The following PTPRN2 variants were observed in gnomAD, a reference collection of about 807,000 sequenced individuals.
PTPRN2 encodes protein tyrosine phosphatase receptor type N2.
PTPRN2 carries 74 observed loss-of-function variants against 118.8 expected under a neutral mutation model. The ratio of observed to expected loss-of-function variants is 0.62; its 90% CI spans 0.52 to 0.76. The LOEUF (loss-of-function observed/expected upper bound fraction) is 0.76, where lower values mean the gene tolerates loss of function less well. Among genes scored for constraint, PTPRN2 ranks in the 30% least tolerant of loss-of-function variants. The pLI, the probability that PTPRN2 is intolerant of heterozygous loss-of-function variation, is 0.00. For synonymous variants in PTPRN2, 641 were observed against 608.0 expected (o/e 1.05, Z -0.80); for missense variants, 1,481 against 1,394.4 (o/e 1.06, Z -0.99).
intron 1 of PTPRN2, among the ~76,000 whole-genome samples, chr7:158,580,551 T>G (rs1828573042): frequency 6.6e-6 from 1 of 152,188 alleles, no homozygotes; most frequent in South Asian, 2.1e-4. Context: ...ACACTTTCCT[T>G]CCACCAGCAT....
Position 157,986,161 on chromosome 7 carries a change from C to G in PTPRN2, c.1724-87424G>C, listed in dbSNP as rs1374117586. ...ATGAGATAGATACCCTCATCTACAG[C>G]CCCGCTCTCGTATGTCCGGGGGAAG... is the stretch of plus-strand genomic sequence containing the variant. On this transcript the variant is annotated intron_variant, in intron 11 of 22. Coordinates refer to ENST00000389418, the MANE Select transcript of PTPRN2 (RefSeq NM_002847.5). The surrounding 1 kb of genome is among the most constrained non-coding windows in gnomAD (Gnocchi z 4.5). Among the ~76,000 whole-genome samples, 2 of 152,162 alleles carry G rather than the reference C, an allele frequency of 1.3e-5. No individual in the cohort carries two copies. Among genetic ancestry groups the G allele is most frequent in the Non-Finnish European group, 2.9e-5 (2 of 68,032 alleles).
intron 2 of PTPRN2, among the ~76,000 whole-genome samples, chr7:158,442,914 G>C (rs1198582795): frequency 6.6e-6 from 1 of 152,120 alleles, no homozygotes; most frequent in Non-Finnish European, 1.5e-5. Context: ...GACAAGAGGA[G>C]GACAGGGCCT....
At chr7:157,702,480 C>T (rs1798127915) in intron 12 of PTPRN2, among the ~76,000 whole-genome samples, 2 of 152,204 alleles carry the variant, frequency 1.3e-5, no homozygotes, top group African/African-American at 4.8e-5. Flanking sequence ...GTGCACCTCT[C>T]ACAGCCCAGT....
rs371418267 is a variant in PTPRN2, at chr7:158,081,261, T to C, written c.1723+37A>G. 43 of 1,499,496 alleles carry C rather than the reference T, an allele frequency of 2.9e-5. No individual in the cohort carries two copies. In the African/African-American group the frequency reaches 5.5e-4, roughly 19 times the overall value. 92.9% of individuals were successfully genotyped at this position (1,499,496 alleles called of 1,614,324 possible). ...GCGTGCGTGTGTGTGTGCACACACG[T>C]GTGTGTGCGTGTACGTGTGTGTGGA... On this transcript the variant is annotated intron_variant, in intron 11 of 22. Transcript: ENST00000389418.
chr7:158,441,436 ATGGCAGTGG>A (rs1273896454), intron 2 of PTPRN2, among the ~76,000 whole-genome samples: 2 of 135,050 alleles, frequency 1.5e-5, no homozygotes, highest in Admixed American at 7.2e-5. Flanking sequence ...AGTGATGGTG[ATGGCAGTGG>A]TGGCAGTGGT....
chr7:157,914,114 T>C (rs1798244880), intron 11 of PTPRN2, among the ~76,000 whole-genome samples: 1 of 152,254 alleles, frequency 6.6e-6, no homozygotes, highest in African/African-American at 2.4e-5. Flanking sequence ...TATATTAGCA[T>C]TCCAATTTTA....
chr7:157,681,362 A>G (rs1042569973), intron 13 of PTPRN2, among the ~76,000 whole-genome samples: 1 of 152,190 alleles, frequency 6.6e-6, no homozygotes, highest in Non-Finnish European at 1.5e-5. Context: ...TTACTAGTTT[A>G]TGTGACATTT....
intron 12 of PTPRN2, among the ~76,000 whole-genome samples, chr7:157,737,702 A>T (rs1459841708): frequency 1.3e-5 from 2 of 152,220 alleles, no homozygotes; most frequent in Non-Finnish European, 1.5e-5. Context: ...CAGCCCCTCC[A>T]CAGAGGAAGG....
At chr7:158,448,335 CTTA>C (rs1218630408) in intron 2 of PTPRN2, among the ~76,000 whole-genome samples, 3 of 152,198 alleles carry the variant, frequency 2.0e-5, no homozygotes, top group Non-Finnish European at 4.4e-5. Flanking sequence ...TGTATTGCTT[CTTA>C]ATTAGAGAAA....
intron 15 of PTPRN2, among the ~76,000 whole-genome samples, chr7:157,614,298 G>C (rs1040548545): frequency 1.3e-5 from 2 of 152,014 alleles, no homozygotes; most frequent in African/African-American, 4.8e-5. Context: ...GGGAAACGGG[G>C]GTTCTGGAAG....
intron 22 of PTPRN2, 75 bp downstream of exon 22, chr7:157,548,871 G>C: frequency 7.1e-7 from 1 of 1,410,220 alleles, no homozygotes; most frequent in Non-Finnish European, 1.0e-6. Context: ...GGCCCTCCCC[G>C]TGCTCCTCTC....
In PTPRN2 at chr7:158,569,989, G is replaced by A. The variant is rs567579345; in HGVS notation, c.112+17569C>T. Among the ~76,000 whole-genome samples, 5 of 152,258 alleles carry A rather than the reference G, an allele frequency of 3.3e-5. No homozygotes were observed. In the East Asian group the frequency reaches 9.7e-4, roughly 30 times the overall value. On this transcript the variant is annotated intron_variant, in intron 1 of 22. Coordinates refer to ENST00000389418, the MANE Select transcript of PTPRN2 (RefSeq NM_002847.5). ...TGGCCAGCGGGTGCCGCTCGCAGAC[G>A]GGGGAGCCCAGAGCCCACGCGCCAA...
intron 14 of PTPRN2, among the ~76,000 whole-genome samples, chr7:157,651,792 C>T (rs141285756): frequency 6.6e-6 from 1 of 152,368 alleles, no homozygotes; most frequent in African/African-American, 2.4e-5. Flanking sequence ...TCATCACGTC[C>T]TTGCTTTTCA....
intron 2 of PTPRN2, among the ~76,000 whole-genome samples, chr7:158,413,719 T>A (rs1241660131): frequency 6.6e-6 from 1 of 152,176 alleles, no homozygotes; most frequent in African/African-American, 2.4e-5. Context: ...CTGGTGTCTG[T>A]AAAACTAGGA....
rs1802146184 is a variant in PTPRN2 at position 157,608,622 on chromosome 7, G to T, written c.2345-4547C>A. ...ATCCAGTTCCCGAGTCCCCTAAAGG[G>T]CAGTTTCCTTGACGTGCGAGGCCTG... On this transcript the variant is annotated intron_variant, in intron 15 of 22. Transcript: ENST00000389418. 2.0e-5 allele frequency among the ~76,000 whole-genome samples: 3 copies of T among 152,182 alleles called. No homozygotes were observed. In the South Asian group the frequency reaches 6.2e-4, roughly 32 times the overall value.
intron 3 of PTPRN2, among the ~76,000 whole-genome samples, chr7:158,309,674 A>G (rs576945319): frequency 1.4e-4 from 21 of 152,382 alleles, no homozygotes; most frequent in African/African-American, 5.0e-4. Flanking sequence ...TACTAAATCC[A>G]GAAACATATA....
chr7:157,715,887 G>A (rs1798875090), intron 12 of PTPRN2, among the ~76,000 whole-genome samples: 1 of 152,226 alleles, frequency 6.6e-6, no homozygotes, highest in Admixed American at 6.5e-5. Flanking sequence ...GCATGCTCCG[G>A]GGAGACACAG....
rs572994832 is a variant in PTPRN2, at chr7:158,234,883, C to T, written c.278-29610G>A. On this transcript the variant is annotated intron_variant, in intron 3 of 22. Transcript: ENST00000389418. ...ATTCAAGCGATTCTCCTGCCTCAGC[C>T]TCCCGAGTAGCTGGGATTACAGGCA... Among the ~76,000 whole-genome samples the T allele has an allele frequency of 2.6e-5, 4 of 152,348 alleles. No individual in the cohort carries two copies. The East Asian group carries it at 7.7e-4, about 29-fold the overall frequency.
intron 18 of PTPRN2, among the ~76,000 whole-genome samples, chr7:157,577,140 G>A (rs1048186235): frequency 4.6e-5 from 7 of 152,206 alleles, no homozygotes; most frequent in Admixed American, 1.3e-4. Context: ...TTCAACAAAA[G>A]CAGCGACACG....
Sources: gnomAD v4.1 joint callset for allele counts (sites outside exome capture counted in the v4.1 genomes callset) on GRCh38, gnomAD v4.1.1 for gene constraint, Gnocchi (gnomAD v3.1) non-coding constraint, MANE v1.5 for transcripts, NCBI Gene and HGNC (gene_info 2026-07-23, HGNC 2026-07-21) for gene names.